The following HOGA1 variants were observed in gnomAD, a reference collection of about 807,000 sequenced individuals.
HOGA1 encodes the protein 4-hydroxy-2-oxoglutarate aldolase 1.
Under a neutral mutation model 34.3 loss-of-function variants are expected in HOGA1, and 30 were observed. The ratio of observed to expected loss-of-function variants is 0.87; its 90% CI spans 0.65 to 1.19. HOGA1 has a LOEUF of 1.19. Among genes scored for constraint, HOGA1 ranks in the 50% most tolerant of loss-of-function variants. HOGA1 has a pLI of 0.00. For missense variants in HOGA1, 417 were observed against 436.5 expected (o/e 0.96, Z 0.40); for synonymous variants, 161 against 174.0 (o/e 0.93, Z 0.59).
intron 1 of HOGA1, among the ~76,000 whole-genome samples, chr10:97,594,885 T>C (rs1443766519): frequency 6.6e-6 from 1 of 152,108 alleles, no homozygotes; most frequent in Middle Eastern, 3.2e-3. Flanking sequence ...TCTAGGGACC[T>C]TTGTAGATGG....
chr10:97,601,706 T>C (rs1461717151), intron 5 of HOGA1, 151 bp from the exon 6 acceptor site: 1 of 873,060 alleles, frequency 1.1e-6, no homozygotes, highest in African/African-American at 1.6e-5. Flanking sequence ...ATGTATACTC[T>C]GGACTCACAG....
At chr10:97,611,483 T>C in intron 6 of HOGA1, 27 bp from the exon 7 acceptor site, 1 of 1,614,110 alleles carries the variant, frequency 6.2e-7, no homozygotes, top group Non-Finnish European at 8.5e-7. Context: ...AATTTCTCAG[T>C]CTCTTCTAAC....
chr10:97,605,489 T>G (rs2041150848), intron 6 of HOGA1, among the ~76,000 whole-genome samples: 1 of 152,048 alleles, frequency 6.6e-6, no homozygotes, highest in Admixed American at 6.6e-5. Context: ...ACAAACCTGC[T>G]AAACCTTTCC....
chr10:97,590,870 C>T (rs2041016748), intron 1 of HOGA1: 1 of 466,228 alleles, frequency 2.1e-6, no homozygotes, highest in East Asian at 3.9e-5. Flanking sequence ...CAGATGGGAG[C>T]AGGCAAGAGC....
chr10:97,598,191 C>G (rs1388184894), intron 1 of HOGA1, among the ~76,000 whole-genome samples: 1 of 152,204 alleles, frequency 6.6e-6, no homozygotes, highest in African/African-American at 2.4e-5. Context: ...GGCAGCCATG[C>G]TGCCCTGCCT....
At chr10:97,597,130 G>C (rs1413138393) in intron 1 of HOGA1, among the ~76,000 whole-genome samples, 4 of 149,820 alleles carry the variant, frequency 2.7e-5, no homozygotes, top group Non-Finnish European at 5.9e-5. Flanking sequence ...TTTTGAGACA[G>C]GGTCTTGCTC....
In HOGA1 at chr10:97,584,498, C is replaced by A. The variant is rs111274695; in HGVS notation, c.-206C>A. The A allele has an allele frequency of 1.7e-6, 1 of 573,476 alleles. No individual in the cohort carries two copies. The highest frequency in any genetic ancestry group is 3.1e-6 in the Non-Finnish European group (1 of 324,118). 35.5% of individuals were successfully genotyped at this position (573,476 alleles called of 1,614,324 possible). A position where few individuals can be genotyped will look rare whatever the true frequency, so the allele number is the denominator to read the frequency against. On this transcript the variant is annotated 5_prime_UTR_variant, in exon 1 of 7. Coordinates refer to ENST00000370646, the MANE Select transcript of HOGA1 (RefSeq NM_138413.4). ...GGTTGTGGCATCTCTCTAGCTGCTA[C>A]CCAGAAGGAACAGGGCCCCCTGGGG... is the stretch of plus-strand genomic sequence containing the variant.
At chr10:97,585,546 G>A (rs941488772) in intron 1 of HOGA1, among the ~76,000 whole-genome samples, 9 of 152,138 alleles carry the variant, frequency 5.9e-5, no homozygotes, top group Admixed American at 2.0e-4. Flanking sequence ...GCCCTGCTCC[G>A]CCCATCCCCA....
At chr10:97,610,507 G>A (rs950022334) in intron 6 of HOGA1, among the ~76,000 whole-genome samples, 2 of 150,442 alleles carry the variant, frequency 1.3e-5, no homozygotes, top group Admixed American at 6.6e-5. Flanking sequence ...AAATTATTAC[G>A]GGTGCAGTGG....
intron 6 of HOGA1, among the ~76,000 whole-genome samples, chr10:97,605,883 G>A (rs920849344): frequency 1.3e-5 from 2 of 151,948 alleles, no homozygotes; most frequent in Non-Finnish European, 2.9e-5. Context: ...ACAGCTTGTC[G>A]TTTCATTACC....
intron 1 of HOGA1, chr10:97,589,595 G>A (rs2135714464): frequency 2.6e-6 from 1 of 387,190 alleles, no homozygotes; most frequent in Non-Finnish European, 4.7e-6. Flanking sequence ...CTAGACATGA[G>A]GGATGCTGCG....
chr10:97,610,895 C>T (rs1289008589), intron 6 of HOGA1, among the ~76,000 whole-genome samples: 1 of 152,176 alleles, frequency 6.6e-6, no homozygotes, highest in African/African-American at 2.4e-5. Flanking sequence ...GTTGTCCAGC[C>T]CCTTCCTTTT....
intron 6 of HOGA1, among the ~76,000 whole-genome samples, chr10:97,605,612 A>C (rs2041151429): frequency 6.6e-6 from 1 of 152,210 alleles, no homozygotes; most frequent in African/African-American, 2.4e-5. Context: ...CCATTCTGAT[A>C]GATGTATAGT....
chr10:97,584,775 C>T lies in HOGA1; in HGVS notation c.72C>T (p.Val24=). 1 of 1,613,744 alleles carries T rather than the reference C, an allele frequency of 6.2e-7. No individual in the cohort carries two copies. Among genetic ancestry groups the T allele is most frequent in the Non-Finnish European group, 8.5e-7 (1 of 1,179,834 alleles). ...LSRSLSRNVG[V]WASGEGKKVD... Reference sequence around the variant, plus strand: ...GGAGCTTGTCCAGGAATGTGGGGGTCTGGGCCTCAGGGGAGGGGAAGAAGG... The same window carrying T: ...GGAGCTTGTCCAGGAATGTGGGGGTTTGGGCCTCAGGGGAGGGGAAGAAGG... The change falls in exon 1 of 7, where the codon GTC becomes GTT. Residue 24 remains valine, a synonymous_variant. Transcript: ENST00000370646.
chr10:97,599,596 G>A, intron 3 of HOGA1, 84 bp from the exon 4 acceptor site: 4 of 1,568,550 alleles, frequency 2.6e-6, no homozygotes, highest in Non-Finnish European at 3.5e-6. Flanking sequence ...GAAGCAGGCT[G>A]GGACCTGTGG....
intron 1 of HOGA1, among the ~76,000 whole-genome samples, chr10:97,587,409 A>C (rs11816813): frequency 0.21 from 32,130 of 152,132 alleles, 3,896 homozygotes; most frequent in Non-Finnish European, 0.27. Flanking sequence ...CAACATAGTG[A>C]GACCCTGTCT....
At chr10:97,586,981 AAACCACTT>A (rs2040976104) in intron 1 of HOGA1, among the ~76,000 whole-genome samples, 1 of 152,208 alleles carries the variant, frequency 6.6e-6, no homozygotes, top group South Asian at 2.1e-4. Flanking sequence ...GACCTTGGGG[AAACCACTT>A]AACCTTTCAA....
At position 97,591,925 on chromosome 10, in the gene HOGA1, G is replaced by A. The variant is rs562337560; in HGVS notation, c.212-6850G>A. On this transcript the variant is annotated intron_variant, in intron 1 of 6. Coordinates refer to ENST00000370646, the MANE Select transcript of HOGA1 (RefSeq NM_138413.4). ...GCGATCTTGGCTCACTGCAACCTCTGCCTCCCGGGTTCATGCGGTTCTCAT... is the reference window on the plus strand; with the variant it reads ...GCGATCTTGGCTCACTGCAACCTCTACCTCCCGGGTTCATGCGGTTCTCAT... Among the ~76,000 whole-genome samples the A allele has an allele frequency of 2.0e-5, 3 of 146,778 alleles. No homozygotes were observed. The East Asian group carries it at 6.3e-4, about 31-fold the overall frequency.
intron 1 of HOGA1, among the ~76,000 whole-genome samples, chr10:97,587,340 A>G (rs1381562706): frequency 6.6e-6 from 1 of 152,126 alleles, no homozygotes; most frequent in African/African-American, 2.4e-5. Context: ...TAATCCCAGC[A>G]CTTTGGGAGG....
Sources: allele counts gnomAD v4.1 joint callset (sites outside exome capture counted in the v4.1 genomes callset), GRCh38; gene constraint gnomAD v4.1.1; transcripts MANE v1.5; gene names NCBI Gene and HGNC (gene_info 2026-07-23, HGNC 2026-07-21).